CAPN14: variants seen among roughly 807,000 people sequenced by gnomAD.
CAPN14 encodes the protein calpain 14, also known as calpain-14.
In CAPN14, 94 loss-of-function variants were observed where a neutral mutation model predicts 101.3. The observed-to-expected ratio is 0.93, with a 90% CI of 0.79 to 1.10. The LOEUF (loss-of-function observed/expected upper bound fraction) is 1.10. Among genes scored for constraint, CAPN14 ranks in the 50% least tolerant of loss-of-function variants. The pLI is 0.00. For synonymous variants in CAPN14, 338 were observed against 317.9 expected, an observed-to-expected ratio of 1.06 and a Z score of -0.67; for missense variants, 837 against 828.4, an observed-to-expected ratio of 1.01 and a Z score of -0.13.
intron 9 of CAPN14, 126 bp from the exon 10 acceptor site, chr2:31,193,420 TTGTGCAGAGCTGAGCTGACGATAG>T: frequency 2.1e-6 from 2 of 947,764 alleles, no homozygotes; most frequent in Non-Finnish European, 3.1e-6. Flanking sequence ...ACACCAGCTC[TTGTGCAGAGCTGAGCTGACGATAG>T]GCACATCAGC....
intron 14 of CAPN14, among the ~76,000 whole-genome samples, 183 bp downstream of exon 14, chr2:31,188,135 T>C (rs1359489826): frequency 6.6e-6 from 1 of 152,190 alleles, no homozygotes; most frequent in African/African-American, 2.4e-5. Context: ...TCTCTACTCT[T>C]TGTTGGTGCA....
At position 31,201,184 on chromosome 2, in the gene CAPN14, C is replaced by A. The variant is rs572383809; in HGVS notation, c.552-559G>T. 1.3e-4 allele frequency among the ~76,000 whole-genome samples: 18 copies of A among 141,388 alleles called. 1 individual carries two copies. The highest frequency in any genetic ancestry group is 4.2e-4 in the African/African-American group (16 of 37,738). The allele number at this position is 141,388 out of a possible 152,430, so 92.8% of individuals were successfully genotyped here. On this transcript the variant is annotated intron_variant, in intron 5 of 21. Transcript: ENST00000403897. ...GTATGTGTGTGCGTGCATGTATGTG[C>A]ATGTGTGTGTGCATGTGTGTGTGTG... is the stretch of plus-strand genomic sequence containing the variant.
At position 31,195,058 on chromosome 2, in the gene CAPN14, C is replaced by T. The variant is rs532070836; in HGVS notation, c.876-575G>A. Among the ~76,000 whole-genome samples, 87 of 152,142 alleles carry T rather than the reference C, an allele frequency of 5.7e-4. 2 individuals are homozygous for T. The South Asian group carries it at 0.016, about 27-fold the overall frequency. ...CTGGCCAGCGCTACAGGGAGAGGGA[C>T]TCAAAAAAAGAACATAACAGTCTGG... On this transcript the variant is annotated intron_variant, in intron 8 of 21. Transcript: ENST00000403897.
At chr2:31,229,054 T>A (rs897754749) in intron 1 of CAPN14, among the ~76,000 whole-genome samples, 1 of 152,228 alleles carries the variant, frequency 6.6e-6, no homozygotes, top group African/African-American at 2.4e-5. Context: ...TGCAGCAGGA[T>A]ATGCTTTTTA....
In CAPN14 at chr2:31,193,190, A is replaced by G. The variant is rs1258567900; in HGVS notation, c.1055T>C (p.Met352Thr). 1.9e-6 allele frequency: 3 copies of G among 1,551,428 alleles called. No individual in the cohort carries two copies. The highest frequency in any genetic ancestry group is 2.6e-6 in the Non-Finnish European group (3 of 1,147,014). The change falls in exon 10 of 22, where the codon ATG becomes ACG. Residue 352 changes from methionine (M) to threonine (T), a missense_variant. Transcript: ENST00000403897. ...CCGCTTCTCCCATCTCCCCTCCCGCATGGTGTACGTCCACTTCTGGGCCGC... is the reference window on the plus strand; with the variant it reads ...CCGCTTCTCCCATCTCCCCTCCCGCGTGGTGTACGTCCACTTCTGGGCCGC... The part of the protein sequence containing the change: ...QEAAQKWTYT[M>T]REGRWEKRST...
At chr2:31,225,600 T>C (rs1476695327) in intron 2 of CAPN14, among the ~76,000 whole-genome samples, 1 of 152,098 alleles carries the variant, frequency 6.6e-6, no homozygotes, top group African/African-American at 2.4e-5. Flanking sequence ...GAAATAGAGC[T>C]TTTATTATTG....
intron 17 of CAPN14, 89 bp downstream of exon 17, chr2:31,180,847 T>C: frequency 9.1e-7 from 1 of 1,104,666 alleles, no homozygotes; most frequent in Non-Finnish European, 1.3e-6. Context: ...TAGCAAGGAT[T>C]GGGGTTGGGA....
intron 2 of CAPN14, among the ~76,000 whole-genome samples, chr2:31,225,171 G>A (rs1360831140): frequency 1.3e-5 from 2 of 151,864 alleles, no homozygotes; most frequent in Admixed American, 6.6e-5. Flanking sequence ...TAGACAATCA[G>A]AAAAATATAA....
intron 6 of CAPN14, among the ~76,000 whole-genome samples, chr2:31,200,080 T>C (rs1681672721): frequency 6.6e-6 from 1 of 151,348 alleles, no homozygotes; most frequent in Non-Finnish European, 1.5e-5. Context: ...CTCGGGTTAC[T>C]GCAACCTCCG....
At position 31,233,352 on chromosome 2, in the gene CAPN14, G is replaced by A. The variant is rs570152778; in HGVS notation, c.-177+439C>T. ...TCAAGCCTTTGCAAATACTCCTTAC[G>A]CTCCTAGAACAATGGATGTCAATTC... On this transcript the variant is annotated intron_variant and NMD_transcript_variant, in intron 1 of 21. Transcript: ENST00000398824. Among the ~76,000 whole-genome samples the A allele has an allele frequency of 6.6e-5, 10 of 152,134 alleles. 1 individual carries two copies. Among genetic ancestry groups the A allele is most frequent in the Admixed American group, 3.9e-4 (6 of 15,282 alleles).
chr2:31,223,634 T>G (rs1682929923), intron 2 of CAPN14, among the ~76,000 whole-genome samples: 2 of 149,338 alleles, frequency 1.3e-5, no homozygotes, highest in South Asian at 4.3e-4. Flanking sequence ...GTTCAAGCAA[T>G]TCTCCTGCTT....
chr2:31,176,603 T>C lies in CAPN14; in HGVS notation c.2012A>G (p.Tyr671Cys). The change falls in exon 21 of 22, where the codon TAC becomes TGC. Residue 671 changes from tyrosine (Y) to cysteine (C), a missense_variant. Transcript: ENST00000403897. ...QNLTQDGKGI[Y>C]LQKPEWMMMA... ...AAGTCTTACCTCTGGCTTCTGGAGG[T>C]ATATCCCTTTGCCATCTTGGGTTAA... 2 of 1,551,706 alleles carry C rather than the reference T, an allele frequency of 1.3e-6. No homozygotes were observed. The highest frequency in any genetic ancestry group is 8.7e-7 in the Non-Finnish European group (1 of 1,146,970).
Position 31,197,340 on chromosome 2 carries a change from T to A in CAPN14, c.790-6A>T. On this transcript the variant is annotated splice_region_variant and splice_polypyrimidine_tract_variant and intron_variant, in intron 7 of 21. Transcript: ENST00000403897. ...GGTCTATGTTTGCAGGTCACCTGCA[T>A]AAAATGAGAGGCAGTTTAGGTGACT... The A allele has an allele frequency of 6.5e-7, 1 of 1,542,842 alleles. No individual in the cohort carries two copies. Among genetic ancestry groups the A allele is most frequent in the Non-Finnish European group, 8.8e-7 (1 of 1,138,846 alleles).
At chr2:31,210,404 C>T (rs774075607) in intron 1 of CAPN14, among the ~76,000 whole-genome samples, 92 of 152,124 alleles carry the variant, frequency 6.0e-4, no homozygotes, top group Admixed American at 3.1e-3. Context: ...GCCGAGATTG[C>T]GCCACTGCAC....
chr2:31,201,993 C>A lies in CAPN14; in HGVS notation c.420G>T (p.Trp140Cys). Residue 140 changes from tryptophan to cysteine, a missense_variant, in exon 5 of 22, where the codon TGG becomes TGT. Physicochemically the swap from Trp to Cys is radical, Grantham distance 215. Transcript: ENST00000403897. ...KYAGIFRFWF[W>C]HYGNWVPVVI... is the part of the protein sequence containing the mutation. The stretch of plus-strand genomic sequence containing the variant: ...CCACAGGAACCCAGTTCCCATAGTG[C>A]CAGAACTGGAGGGAGAGAGTGGCCC... 6.4e-7 allele frequency: 1 copy of A among 1,551,656 alleles called. No individual in the cohort carries two copies. Among genetic ancestry groups the A allele is most frequent in the Non-Finnish European group, 8.7e-7 (1 of 1,146,972 alleles).
At chr2:31,194,341 A>G in intron 9 of CAPN14, 68 bp downstream of exon 9, 5 of 1,234,946 alleles carry the variant, frequency 4.0e-6, no homozygotes, top group South Asian at 3.9e-5. Context: ...AAGGCATCCA[A>G]TAAATGTCTG....
chr2:31,223,730 A>G (rs1034992986), intron 2 of CAPN14, among the ~76,000 whole-genome samples: 1 of 151,816 alleles, frequency 6.6e-6, no homozygotes, highest in African/African-American at 2.4e-5. Context: ...AGGTTTCACT[A>G]TGTTGGCCAG....
chr2:31,180,368 C>G (rs541201247), intron 17 of CAPN14, among the ~76,000 whole-genome samples: 4 of 152,266 alleles, frequency 2.6e-5, no homozygotes, highest in Admixed American at 2.0e-4. Flanking sequence ...ATATGCCTCT[C>G]AATAGTATGG....
rs544783498 is a variant in CAPN14 at position 31,193,072 on chromosome 2, T to C, written c.1114+59A>G. ...CGTGCTGCAACCCCCTGTGCAGTCA[T>C]TCTGACACCCCCGCCCACAACCTCA... On this transcript the variant is annotated intron_variant, in intron 10 of 21. Transcript: ENST00000403897. 7.5e-5 allele frequency: 111 copies of C among 1,482,548 alleles called. No homozygotes were observed. The African/African-American group carries it at 1.3e-3, about 18-fold the overall frequency. 91.8% of individuals were successfully genotyped at this position (1,482,548 alleles called of 1,614,324 possible).
Sources: gnomAD v4.1 joint callset for allele counts (sites outside exome capture counted in the v4.1 genomes callset) on GRCh38, gnomAD v4.1.1 for gene constraint, MANE v1.5 for transcripts, NCBI Gene and HGNC (gene_info 2026-07-23, HGNC 2026-07-21) for gene names.